The following LRP1B variants were observed in gnomAD, a reference collection of about 807,000 sequenced individuals.
LRP1B encodes the protein low-density lipoprotein receptor-related protein 1B.
Under a neutral mutation model 556.6 loss-of-function variants are expected in LRP1B, and 217 were observed. The observed-to-expected ratio is 0.39, with a 90% CI of 0.35 to 0.44. The LOEUF is 0.44. LRP1B is among the 20% of genes least tolerant of loss of function. The probability of loss-of-function intolerance (pLI) is 1.00; values close to 1 mark genes in which losing one functional copy is unlikely to be tolerated. For missense variants in LRP1B, 5,053 were observed against 5,620.8 expected (o/e 0.90, Z 3.23); for synonymous variants, 2,047 against 1,865.8 (o/e 1.10, Z -2.50).
Position 141,812,816 on chromosome 2 carries a change from C to T in LRP1B, c.83-2415G>A, listed in dbSNP as rs186624087. On this transcript the variant is annotated intron_variant, in intron 1 of 90. Transcript: ENST00000389484. ...TGGGGAATTAGATGAAGACTCTGAT[C>T]CAAGTGATGTGACATATGAGTTAAG... Among the ~76,000 whole-genome samples the T allele has an allele frequency of 2.0e-5, 3 of 152,076 alleles. No homozygotes were observed. In the East Asian group the frequency reaches 5.8e-4, roughly 30 times the overall value.
At chr2:140,237,612 A>T (rs1382140236) in intron 89 of LRP1B, among the ~76,000 whole-genome samples, 1 of 150,920 alleles carries the variant, frequency 6.6e-6, no homozygotes, top group Non-Finnish European at 1.5e-5. Context: ...CACTGTAAGG[A>T]ATACTGGGAG....
At chr2:141,397,615 T>C (rs1343309903) in intron 3 of LRP1B, among the ~76,000 whole-genome samples, 2 of 151,870 alleles carry the variant, frequency 1.3e-5, no homozygotes, top group Non-Finnish European at 2.9e-5. Context: ...CACACCTGGA[T>C]TTTTTATTGC....
At chr2:140,663,537 A>C (rs548859128) in intron 41 of LRP1B, among the ~76,000 whole-genome samples, 1 of 152,326 alleles carries the variant, frequency 6.6e-6, no homozygotes, top group Non-Finnish European at 1.5e-5. Context: ...CTGCTAGCTC[A>C]AACTTAACTT....
At chr2:140,963,199 T>G (rs1055590762) in intron 18 of LRP1B, among the ~76,000 whole-genome samples, 1 of 151,976 alleles carries the variant, frequency 6.6e-6, no homozygotes, top group East Asian at 1.9e-4. Flanking sequence ...AAATAATAAA[T>G]TTAATATTAA....
chr2:142,011,113 G>A (rs1702947251), intron 1 of LRP1B, among the ~76,000 whole-genome samples: 1 of 152,146 alleles, frequency 6.6e-6, no homozygotes, highest in Non-Finnish European at 1.5e-5. Context: ...GCTTACTTAA[G>A]TGTTGACTCA....
intron 31 of LRP1B, among the ~76,000 whole-genome samples, chr2:140,821,784 C>T (rs1691337222): frequency 6.6e-6 from 1 of 152,126 alleles, no homozygotes; most frequent in Non-Finnish European, 1.5e-5. Flanking sequence ...CCTATAATCC[C>T]AGCACTTTGT....
intron 1 of LRP1B, among the ~76,000 whole-genome samples, chr2:142,090,765 A>T (rs901273554): frequency 6.6e-6 from 1 of 152,132 alleles, no homozygotes; most frequent in Non-Finnish European, 1.5e-5. Context: ...GGGAAATTTC[A>T]TCTTCTAAAA....
chr2:140,541,717 A>G (rs1558955251), intron 44 of LRP1B, 62 bp downstream of exon 44: 1 of 1,242,872 alleles, frequency 8.0e-7, no homozygotes, highest in Non-Finnish European at 1.1e-6. Flanking sequence ...AAACATATAT[A>G]CATTTTTAGA....
chr2:141,658,834 T>C (rs2105391731), intron 2 of LRP1B, among the ~76,000 whole-genome samples: 1 of 152,288 alleles, frequency 6.6e-6, no homozygotes, highest in Admixed American at 6.5e-5. Flanking sequence ...AATTGGAACC[T>C]GGGTGAAGGG....
At chr2:141,465,543 C>G (rs901425376) in intron 3 of LRP1B, among the ~76,000 whole-genome samples, 1 of 117,314 alleles carries the variant, frequency 8.5e-6, no homozygotes, top group African/African-American at 3.0e-5. Context: ...CACAGCATGA[C>G]TTTTTTTTTT....
At chr2:141,518,172 T>A (rs1574037741) in intron 2 of LRP1B, among the ~76,000 whole-genome samples, 1 of 151,268 alleles carries the variant, frequency 6.6e-6, no homozygotes, top group South Asian at 2.1e-4. Flanking sequence ...AGCTGAAAAC[T>A]GTAACCATGA....
intron 41 of LRP1B, among the ~76,000 whole-genome samples, chr2:140,657,753 T>C (rs528042080): frequency 8.3e-4 from 126 of 151,610 alleles, no homozygotes; most frequent in Admixed American, 1.4e-3. Context: ...TTTAATGTAC[T>C]CATGATGTGT....
intron 47 of LRP1B, among the ~76,000 whole-genome samples, chr2:140,531,649 T>A (rs1690698427): frequency 6.6e-6 from 1 of 152,122 alleles, no homozygotes; most frequent in African/African-American, 2.4e-5. Context: ...TTTACATCAA[T>A]CTTTTCTAAA....
At chr2:141,293,821 CAT>C (rs776552022) in intron 3 of LRP1B, among the ~76,000 whole-genome samples, 8 of 151,944 alleles carry the variant, frequency 5.3e-5, no homozygotes, top group Admixed American at 1.3e-4. Flanking sequence ...AAATATGGAA[CAT>C]GTGTATTTCT....
At chr2:141,182,106 G>C (rs1309905402) in intron 7 of LRP1B, among the ~76,000 whole-genome samples, 1 of 151,956 alleles carries the variant, frequency 6.6e-6, no homozygotes, top group Admixed American at 6.6e-5. Context: ...TAGGCAGATA[G>C]CTGCTGCATA....
intron 7 of LRP1B, among the ~76,000 whole-genome samples, chr2:141,168,031 A>G (rs1393206274): frequency 2.0e-5 from 3 of 152,108 alleles, no homozygotes; most frequent in African/African-American, 7.2e-5. Context: ...AAAGTATAGT[A>G]TAATAGTTTT....
intron 1 of LRP1B, among the ~76,000 whole-genome samples, chr2:141,947,341 G>C (rs1210467184): frequency 6.6e-6 from 1 of 152,044 alleles, no homozygotes; most frequent in Non-Finnish European, 1.5e-5. Flanking sequence ...GGAGGATGAG[G>C]CAGGAGAATT....
intron 1 of LRP1B, among the ~76,000 whole-genome samples, chr2:142,040,955 C>T (rs1431041690): frequency 1.3e-5 from 2 of 151,324 alleles, no homozygotes; most frequent in Non-Finnish European, 3.0e-5. Flanking sequence ...TCAACCTCAG[C>T]ACTTTGGCTA....
At chr2:141,037,111 A>G (rs1213532532) in intron 11 of LRP1B, among the ~76,000 whole-genome samples, 1 of 151,970 alleles carries the variant, frequency 6.6e-6, no homozygotes, top group Non-Finnish European at 1.5e-5. Flanking sequence ...GTGTGGAGAG[A>G]GACCTTCCAG....
Sources: allele counts gnomAD v4.1 joint callset (sites outside exome capture counted in the v4.1 genomes callset), GRCh38; gene constraint gnomAD v4.1.1; transcripts MANE v1.5; gene names NCBI Gene and HGNC (gene_info 2026-07-23, HGNC 2026-07-21).